The following FHIT variants were observed in gnomAD, a reference collection of about 807,000 sequenced individuals.
The protein encoded by FHIT is bis(5'-adenosyl)-triphosphatase.
FHIT carries 19 observed loss-of-function variants against 17.9 expected under a neutral mutation model. That is an observed-to-expected ratio of 1.06 (90% CI 0.74 to 1.56). The LOEUF (loss-of-function observed/expected upper bound fraction) is 1.56. Among genes scored for constraint, FHIT ranks in the 40% most tolerant of loss-of-function variants. The probability of loss-of-function intolerance (pLI) is 0.00; values close to 1 mark genes in which losing one functional copy is unlikely to be tolerated. For synonymous variants in FHIT, 81 were observed against 69.7 expected (o/e 1.16, Z -0.81); for missense variants, 248 against 189.2 (o/e 1.31, Z -1.82).
chr3:60,222,573 G>A (rs564223450), intron 5 of FHIT, among the ~76,000 whole-genome samples: 8 of 152,032 alleles, frequency 5.3e-5, no homozygotes, highest in African/African-American at 1.9e-4. Context: ...GGTGGATCAC[G>A]AGGTCAGGAG....
In FHIT at chr3:60,179,626, C is replaced by A. The variant is rs539546101; in HGVS notation, c.104-165474G>T. Among the ~76,000 whole-genome samples, 8 of 152,020 alleles carry A rather than the reference C, an allele frequency of 5.3e-5. No homozygotes were observed. The East Asian group carries it at 1.5e-3, about 29-fold the overall frequency. ...GGAAAACTTATAAGAAATTCAACTA[C>A]CTAGCTACAGGACCTCAAATATTAG... On this transcript the variant is annotated intron_variant, in intron 5 of 9. Coordinates refer to ENST00000492590, the MANE Select transcript of FHIT (RefSeq NM_002012.4).
At chr3:61,232,832 G>C (rs12498118) in intron 1 of FHIT, among the ~76,000 whole-genome samples, 11,160 of 152,092 alleles carry the variant, frequency 0.073, 1,100 homozygotes, top group East Asian at 0.4. Flanking sequence ...AGGAGAGCAG[G>C]TAAATAAATA....
At chr3:59,964,316 C>T (rs1328983713) in intron 7 of FHIT, among the ~76,000 whole-genome samples, 2 of 152,028 alleles carry the variant, frequency 1.3e-5, no homozygotes, top group Non-Finnish European at 1.5e-5. Context: ...TATGACATGC[C>T]ATTCACATTC....
In FHIT at chr3:60,656,751, C is replaced by T. The variant is rs1475098404; in HGVS notation, c.-17-119772G>A. Among the ~76,000 whole-genome samples, 6 of 152,168 alleles carry T rather than the reference C, an allele frequency of 3.9e-5. No individual in the cohort carries two copies. The East Asian group carries it at 9.6e-4, about 24-fold the overall frequency. ...AAGGGTTTCCAACGTTAACTATGTA[C>T]ATTCTTTCAGATTTAACAAGGCAAC... On this transcript the variant is annotated intron_variant, in intron 4 of 9. Coordinates refer to ENST00000492590, the MANE Select transcript of FHIT (RefSeq NM_002012.4).
At chr3:60,761,378 T>G (rs1331380725) in intron 4 of FHIT, among the ~76,000 whole-genome samples, 5 of 152,174 alleles carry the variant, frequency 3.3e-5, no homozygotes, top group African/African-American at 1.2e-4. Flanking sequence ...AAATTATTTC[T>G]TTTTTTATGT....
chr3:61,054,849 C>T (rs936712591), intron 2 of FHIT, among the ~76,000 whole-genome samples: 2 of 152,088 alleles, frequency 1.3e-5, no homozygotes, highest in South Asian at 2.1e-4. Context: ...TCTTTCACAC[C>T]CTATACCCCT....
At chr3:60,770,375 T>G (rs1700002329) in intron 4 of FHIT, among the ~76,000 whole-genome samples, 1 of 152,214 alleles carries the variant, frequency 6.6e-6, no homozygotes, top group African/African-American at 2.4e-5. Flanking sequence ...TTCTTGCTCA[T>G]AATAATGTTT....
chr3:60,178,734 C>T (rs946032712), intron 5 of FHIT, among the ~76,000 whole-genome samples: 6 of 152,134 alleles, frequency 3.9e-5, no homozygotes, highest in African/African-American at 1.4e-4. Context: ...GCAATCTGAT[C>T]CCATGTGATA....
At chr3:60,621,704 T>A (rs534552925) in intron 4 of FHIT, among the ~76,000 whole-genome samples, 1 of 152,134 alleles carries the variant, frequency 6.6e-6, no homozygotes, top group East Asian at 1.9e-4. Flanking sequence ...TAGAAATACT[T>A]GAGTGGTTGG....
At chr3:60,366,784 T>C (rs1333109751) in intron 5 of FHIT, among the ~76,000 whole-genome samples, 1 of 152,130 alleles carries the variant, frequency 6.6e-6, no homozygotes, top group African/African-American at 2.4e-5. Context: ...ACCCAGACTG[T>C]GGTATTGTTT....
chr3:60,712,252 G>A (rs1434688767), intron 4 of FHIT, among the ~76,000 whole-genome samples: 1 of 152,142 alleles, frequency 6.6e-6, no homozygotes, highest in Non-Finnish European at 1.5e-5. Flanking sequence ...CCACCAGGCT[G>A]CCCTAAAAGA....
At chr3:61,021,598 C>CAAAA (rs34870709) in intron 3 of FHIT, among the ~76,000 whole-genome samples, 136 of 63,604 alleles carry the variant, frequency 2.1e-3, no homozygotes, top group East Asian at 3.4e-3. Flanking sequence ...GACTCCGTCT[C>CAAAA]AAAAAAAAAA....
intron 8 of FHIT, among the ~76,000 whole-genome samples, chr3:59,837,418 T>C (rs756329555): frequency 6.6e-6 from 1 of 152,204 alleles, no homozygotes. Context: ...CTTTATTGTT[T>C]AGGGAATAAT....
At chr3:60,168,287 T>C (rs1407797817) in intron 5 of FHIT, among the ~76,000 whole-genome samples, 1 of 152,232 alleles carries the variant, frequency 6.6e-6, no homozygotes, top group Non-Finnish European at 1.5e-5. Flanking sequence ...GTTAGGCCGA[T>C]GTAATTAATC....
intron 5 of FHIT, among the ~76,000 whole-genome samples, chr3:60,143,394 T>C (rs1341013651): frequency 6.6e-6 from 1 of 152,086 alleles, no homozygotes; most frequent in Admixed American, 6.6e-5. Context: ...TCTTAAGCAT[T>C]TCTGCTTGCC....
chr3:59,769,570 T>A (rs1447798847), intron 8 of FHIT, among the ~76,000 whole-genome samples: 1 of 152,210 alleles, frequency 6.6e-6, no homozygotes, highest in African/African-American at 2.4e-5. Flanking sequence ...ATATAATTAC[T>A]TACCGCAAGC....
intron 2 of FHIT, among the ~76,000 whole-genome samples, chr3:61,063,395 C>A (rs10222544): frequency 0.55 from 83,355 of 151,848 alleles, 24,013 homozygotes; most frequent in Non-Finnish European, 0.65. Context: ...GGGGCTCAAA[C>A]CACTTATGTA....
At chr3:60,226,849 C>T (rs1391381942) in intron 5 of FHIT, among the ~76,000 whole-genome samples, 2 of 152,128 alleles carry the variant, frequency 1.3e-5, no homozygotes, top group Admixed American at 6.5e-5. Flanking sequence ...TCTATTGTCA[C>T]GCCACTTCTC....
intron 2 of FHIT, among the ~76,000 whole-genome samples, chr3:61,184,760 T>C (rs141119490): frequency 3.3e-5 from 5 of 152,038 alleles, no homozygotes; most frequent in Admixed American, 2.0e-4. Flanking sequence ...AAATGTAGAG[T>C]CATGAGAGAA....
Sources: allele counts gnomAD v4.1 joint callset (sites outside exome capture counted in the v4.1 genomes callset), GRCh38; gene constraint gnomAD v4.1.1; transcripts MANE v1.5; gene names NCBI Gene and HGNC (gene_info 2026-07-23, HGNC 2026-07-21).